The following VWA5B1 variants were observed in gnomAD, a reference collection of about 807,000 sequenced individuals.
The protein encoded by VWA5B1 is von Willebrand factor A domain containing 5B1.
A neutral mutation model predicts 118.2 loss-of-function variants in VWA5B1; 115 were observed. That is an observed-to-expected ratio of 0.97 (90% confidence interval 0.84 to 1.14). The LOEUF is 1.14. Ranked by LOEUF, VWA5B1 falls within the 50% of genes most tolerant of loss-of-function variation. The probability of loss-of-function intolerance (pLI) is 0.00; values close to 1 mark genes in which losing one functional copy is unlikely to be tolerated. For missense variants in VWA5B1, 1,596 were observed against 1,603.8 expected (o/e 1.00, Z 0.08); for synonymous variants, 682 against 658.4 (o/e 1.04, Z -0.55).
intron 12 of VWA5B1, among the ~76,000 whole-genome samples, chr1:20,333,456 G>A (rs1009532171): frequency 2.6e-5 from 4 of 152,198 alleles, no homozygotes; most frequent in Admixed American, 6.5e-5. Context: ...CAGCCTGGGC[G>A]ACAGAGCGAG....
At chr1:20,296,279 C>A (rs1454804234) in intron 1 of VWA5B1, among the ~76,000 whole-genome samples, 9 of 152,322 alleles carry the variant, frequency 5.9e-5, no homozygotes, top group African/African-American at 2.2e-4. Context: ...TTGATCCCTG[C>A]CCTTCACCCA....
intron 4 of VWA5B1, 83 bp downstream of exon 4, chr1:20,314,675 G>C (rs745728325): frequency 6.0e-6 from 9 of 1,491,562 alleles, no homozygotes; most frequent in African/African-American, 4.2e-5. Context: ...GGGACAGGGT[G>C]GGGGGAGACA....
chr1:20,314,242 C>G lies in VWA5B1; in HGVS notation c.293-80C>G, dbSNP rs2088932932. 3.5e-6 allele frequency: 5 copies of G among 1,446,652 alleles called. No homozygotes were observed. The South Asian group carries it at 5.5e-5, about 16-fold the overall frequency. 89.6% of individuals were successfully genotyped at this position (1,446,652 alleles called of 1,614,324 possible). On this transcript the variant is annotated intron_variant, in intron 3 of 21. Coordinates refer to ENST00000289815, the MANE Select transcript of VWA5B1 (RefSeq NM_001039500.3). Reference sequence around the variant, plus strand: ...ATTTTCCCATCAGCAAAATGGGCCACTCACACTTACCACAACAGCAATCTT... The same window carrying G: ...ATTTTCCCATCAGCAAAATGGGCCAGTCACACTTACCACAACAGCAATCTT...
chr1:20,330,434 G>A, intron 10 of VWA5B1, 52 bp downstream of exon 10: 1 of 1,544,060 alleles, frequency 6.5e-7, no homozygotes, highest in African/African-American at 1.4e-5. Flanking sequence ...GCCGGGGCTG[G>A]GGCGCCAGAG....
intron 1 of VWA5B1, among the ~76,000 whole-genome samples, chr1:20,304,046 A>T (rs372871981): frequency 1.3e-5 from 2 of 152,216 alleles, no homozygotes; most frequent in East Asian, 3.9e-4. Context: ...AACCTGGTAG[A>T]TGCCCCTATT....
Position 20,312,917 on chromosome 1 carries a change from A to G in VWA5B1, c.221A>G (p.Gln74Arg). Reference protein sequence around the residue: ...AVIADRVVTVQIKDKAKLESG... With the variant: ...AVIADRVVTVRIKDKAKLESG... Reference sequence around the variant, plus strand: ...ATTGCCGACCGTGTCGTGACAGTACAGATCAAGGACAAAGCCAAGCTGGAG... The same window carrying G: ...ATTGCCGACCGTGTCGTGACAGTACGGATCAAGGACAAAGCCAAGCTGGAG... Residue 74 changes from glutamine to arginine, a missense_variant, in exon 3 of 22, where the codon CAG (glutamine) becomes CGG (arginine). Transcript: ENST00000289815. The G allele has an allele frequency of 6.4e-7, 1 of 1,551,726 alleles. No individual in the cohort carries two copies. The highest frequency in any genetic ancestry group is 8.7e-7 in the Non-Finnish European group (1 of 1,146,996).
chr1:20,345,523 C>T lies in VWA5B1; in HGVS notation c.2694C>T (p.Tyr898=), dbSNP rs2089988703. ...TSKACNIISK[Y]TAFVPVDVSK... ...AGGCCTGCAACATCATTAGCAAATA[C>T]ACAGCCTTCGTGCCTGTGGACGTGA... Residue 898 remains tyrosine (Y), a synonymous_variant, in exon 17 of 22, where the codon TAC becomes TAT. Transcript: ENST00000289815. The T allele has an allele frequency of 6.4e-7, 1 of 1,551,166 alleles. No individual in the cohort carries two copies. Among genetic ancestry groups the T allele is most frequent in the Admixed American group, 2.0e-5 (1 of 50,980 alleles).
At chr1:20,299,368 G>A (rs1246585237) in intron 1 of VWA5B1, among the ~76,000 whole-genome samples, 1 of 152,088 alleles carries the variant, frequency 6.6e-6, no homozygotes. Context: ...GCCTCTTTGT[G>A]TGTCCCTCGT....
chr1:20,323,342 C>A lies in VWA5B1; in HGVS notation c.967-14C>A. 3 of 1,449,422 alleles carry A rather than the reference C, an allele frequency of 2.1e-6. No individual in the cohort carries two copies. Among genetic ancestry groups the A allele is most frequent in the Admixed American group, 2.6e-5 (1 of 38,262 alleles). 89.8% of individuals were successfully genotyped at this position (1,449,422 alleles called of 1,614,324 possible). Reference sequence around the variant, plus strand: ...ACCCTGATTGCCCAATCAGAGTGTTCTTTCCTCTTCCAGACAGAAATCATT... The same window carrying A: ...ACCCTGATTGCCCAATCAGAGTGTTATTTCCTCTTCCAGACAGAAATCATT... On this transcript the variant is annotated splice_polypyrimidine_tract_variant and intron_variant, in intron 7 of 21. Coordinates refer to ENST00000289815, the MANE Select transcript of VWA5B1 (RefSeq NM_001039500.3).
At position 20,359,224 on chromosome 1, in the gene VWA5B1, C is replaced by T. The variant is rs2090280908; in HGVS notation, c.*4961C>T. ...CAAGTGGCATGGCTGGTGCTTGTCC[C>T]CATCAGAGCCTCAAGTGCCTATGGC... On this transcript the variant is annotated 3_prime_UTR_variant, in exon 22 of 22. Coordinates refer to ENST00000289815, the MANE Select transcript of VWA5B1 (RefSeq NM_001039500.3). Among the ~76,000 whole-genome samples the T allele has an allele frequency of 1.3e-5, 2 of 152,196 alleles. No individual in the cohort carries two copies. The highest frequency in any genetic ancestry group is 2.9e-5 in the Non-Finnish European group (2 of 68,038).
intron 14 of VWA5B1, among the ~76,000 whole-genome samples, chr1:20,340,074 T>C (rs1473492650): frequency 2.0e-5 from 3 of 152,034 alleles, no homozygotes; most frequent in Non-Finnish European, 1.5e-5. Context: ...CCCCTTTACT[T>C]CTTTCCTGCG....
chr1:20,333,342 T>G (rs549527980), intron 12 of VWA5B1, among the ~76,000 whole-genome samples: 6 of 152,326 alleles, frequency 3.9e-5, no homozygotes, highest in Admixed American at 1.3e-4. Flanking sequence ...CCAGACATGG[T>G]GGCAGGCACC....
chr1:20,328,247 G>A (rs548570951), intron 9 of VWA5B1, among the ~76,000 whole-genome samples: 43 of 152,194 alleles, frequency 2.8e-4, no homozygotes, highest in African/African-American at 9.1e-4. Flanking sequence ...TGGGCAAAGT[G>A]TGTGTGTGTA....
At position 20,345,568 on chromosome 1, in the gene VWA5B1, C is replaced by T; in HGVS notation, c.2739C>T (p.Pro913=). 1.3e-6 allele frequency: 2 copies of T among 1,550,484 alleles called. No homozygotes were observed. The highest frequency in any genetic ancestry group is 1.7e-6 in the Non-Finnish European group (2 of 1,146,718). Residue 913 remains proline (P), a synonymous_variant, in exon 17 of 22, where the codon CCC becomes CCT. Transcript: ENST00000289815. Reference sequence around the variant, plus strand: ...ACGTGAGCAAGAGCCGGTACCTGCCCACCGTGGTGGAGTACCCCAACTCTG... The same window carrying T: ...ACGTGAGCAAGAGCCGGTACCTGCCTACCGTGGTGGAGTACCCCAACTCTG... ...PVDVSKSRYL[P]TVVEYPNSGA...
chr1:20,340,773 T>C (rs1188024154), intron 14 of VWA5B1, among the ~76,000 whole-genome samples: 1 of 152,232 alleles, frequency 6.6e-6, no homozygotes, highest in Non-Finnish European at 1.5e-5. Context: ...AAAGGCCCCC[T>C]GTCCTATTCC....
rs1458706902 is a variant in VWA5B1 at position 20,343,378 on chromosome 1, G to A, written c.2611G>A (p.Gly871Ser). 4 of 1,532,280 alleles carry A rather than the reference G, an allele frequency of 2.6e-6. No homozygotes were observed. The highest frequency in any genetic ancestry group is 1.4e-5 in the African/African-American group (1 of 72,872). The allele number at this position is 1,532,280 out of a possible 1,614,324, so 94.9% of individuals were successfully genotyped here. ...CTTCGAGCAGCTGGCGGAGCGCGAG[G>A]GCGAGATCGAGCAGGGTGAGCGCCA... ...RDFEQLAERE[G>S]EIEQGSNRRY... Residue 871 changes from glycine (G) to serine (S), a missense_variant, in exon 16 of 22, where the codon GGC (glycine) becomes AGC (serine). Physicochemically the swap from Gly to Ser is moderately conservative, Grantham distance 56. Transcript: ENST00000289815.
At chr1:20,317,416 G>A (rs2089049177) in intron 4 of VWA5B1, 114 bp from the exon 5 acceptor site, 2 of 1,406,780 alleles carry the variant, frequency 1.4e-6, no homozygotes, top group Non-Finnish European at 9.4e-7. Context: ...GGGTCTGGGG[G>A]CCCCCTTGGT....
chr1:20,312,884 A>T lies in VWA5B1; in HGVS notation c.188A>T (p.Glu63Val). ...GAGTGCACCACGGTGATCGGCTTTG[A>T]GGCAGTCATTGCCGACCGTGTCGTG... ...LDECTTVIGF[E>V]AVIADRVVTV... Residue 63 changes from glutamate to valine, a missense_variant, in exon 3 of 22, where the codon GAG becomes GTG. Physicochemically the swap from Glu to Val is moderately radical, Grantham distance 121. Coordinates refer to ENST00000289815, the MANE Select transcript of VWA5B1 (RefSeq NM_001039500.3). The T allele has an allele frequency of 6.4e-7, 1 of 1,551,654 alleles. No individual in the cohort carries two copies. Among genetic ancestry groups the T allele is most frequent in the Non-Finnish European group, 8.7e-7 (1 of 1,146,968 alleles).
chr1:20,301,931 G>A (rs2100806698), intron 1 of VWA5B1, among the ~76,000 whole-genome samples: 1 of 152,174 alleles, frequency 6.6e-6, no homozygotes, highest in East Asian at 1.9e-4. Context: ...GACAGGCATG[G>A]CGCAGTTTCT....
Sources: gnomAD v4.1 joint callset for allele counts (sites outside exome capture counted in the v4.1 genomes callset) on GRCh38, gnomAD v4.1.1 for gene constraint, MANE v1.5 for transcripts, NCBI Gene and HGNC (gene_info 2026-07-23, HGNC 2026-07-21) for gene names.